Variants in ZNF180 observed in about 807,000 individuals in gnomAD.
ZNF180 encodes zinc finger protein 180 (HHZ168).
ZNF180 carries 11 observed loss-of-function variants against 11.8 expected under a neutral mutation model. The observed-to-expected ratio is 0.93, with a 90% confidence interval of 0.59 to 1.55. The LOEUF is 1.55. ZNF180 is among the 40% of genes most tolerant of loss of function. The pLI, the probability that ZNF180 is intolerant of heterozygous loss-of-function variation, is 0.00. For synonymous variants in ZNF180, 287 were observed against 257.7 expected (o/e 1.11, Z -1.09); for missense variants, 773 against 781.7 (o/e 0.99, Z 0.13).
At chr19:44,482,866 C>T (rs1383475501) in intron 3 of ZNF180, among the ~76,000 whole-genome samples, 1 of 152,200 alleles carries the variant, frequency 6.6e-6, no homozygotes, top group Non-Finnish European at 1.5e-5. Context: ...GAAATTAAGA[C>T]ATATGCCTAA....
At position 44,477,334 on chromosome 19, in the gene ZNF180, A is replaced by G; in HGVS notation, c.1066T>C (p.Cys356Arg). The change falls in exon 5 of 5, where the codon TGT (cysteine) becomes CGT (arginine). Residue 356 changes from cysteine (C) to arginine (R), a missense_variant. Transcript: ENST00000592529. ...CTGAAGGATTTTCCACATTCACTAC[A>G]TTCATAAGGTTTCTCCCCTGTGTGA... ...RTHTGEKPYE[C>R]SECGKSFSRS... The G allele has an allele frequency of 6.2e-7, 1 of 1,612,246 alleles. No individual in the cohort carries two copies. The highest frequency in any genetic ancestry group is 8.5e-7 in the Non-Finnish European group (1 of 1,178,722).
chr19:44,480,118 T>G (rs1030985697), intron 3 of ZNF180, among the ~76,000 whole-genome samples: 3 of 152,234 alleles, frequency 2.0e-5, no homozygotes, highest in Non-Finnish European at 4.4e-5. Context: ...TCCTTTTTTT[T>G]TCTTTTGAGA....
intron 3 of ZNF180, among the ~76,000 whole-genome samples, chr19:44,480,770 A>G (rs1193956795): frequency 6.6e-6 from 1 of 152,194 alleles, no homozygotes; most frequent in East Asian, 1.9e-4. Flanking sequence ...TGTTTTGACT[A>G]TGAGTGGTCG....
At chr19:44,481,470 C>G (rs576201008) in intron 3 of ZNF180, among the ~76,000 whole-genome samples, 1 of 152,040 alleles carries the variant, frequency 6.6e-6, no homozygotes, top group Non-Finnish European at 1.5e-5. Context: ...ATAAACACTC[C>G]CCCTTTCTGT....
At chr19:44,490,481 G>C (rs1410686029) in intron 2 of ZNF180, among the ~76,000 whole-genome samples, 1 of 152,112 alleles carries the variant, frequency 6.6e-6, no homozygotes, top group Non-Finnish European at 1.5e-5. Flanking sequence ...ATCTTATCTG[G>C]CCTGAAAGAA....
chr19:44,477,866 T>C lies in ZNF180; in HGVS notation c.534A>G (p.Leu178=), dbSNP rs753286674. ...TTATGGGTATAACTGGGGATGAAAA[T>C]AGACTGGAATTCAGACCACTCTTCT... ...TGEKSGLNSS[L]FSSPVIPIRN... is the part of the protein sequence containing the mutation. Residue 178 remains leucine (L), a synonymous_variant, in exon 5 of 5, where the codon CTA becomes CTG. Coordinates refer to ENST00000592529, the MANE Select transcript of ZNF180 (RefSeq NM_001278509.3). The C allele has an allele frequency of 1.2e-6, 2 of 1,613,916 alleles. No homozygotes were observed. Among genetic ancestry groups the C allele is most frequent in the South Asian group, 2.2e-5 (2 of 91,070 alleles).
intron 2 of ZNF180, among the ~76,000 whole-genome samples, chr19:44,492,519 G>A (rs1970475020): frequency 6.6e-6 from 1 of 152,084 alleles, no homozygotes; most frequent in Non-Finnish European, 1.5e-5. Flanking sequence ...GATAATAATT[G>A]TTCCTTCTGT....
At chr19:44,489,501 G>T (rs375924829) in intron 2 of ZNF180, among the ~76,000 whole-genome samples, 1 of 97,628 alleles carries the variant, frequency 1.0e-5, no homozygotes, top group Non-Finnish European at 2.3e-5. Flanking sequence ...GATTAAGGGC[G>T]GTGCAAGATG....
intron 4 of ZNF180, 97 bp from the exon 5 acceptor site, chr19:44,478,243 T>C: frequency 7.7e-7 from 1 of 1,306,862 alleles, no homozygotes; most frequent in East Asian, 2.6e-5. Context: ...ATATATGAAT[T>C]TGTTTTCAAA....
intron 2 of ZNF180, among the ~76,000 whole-genome samples, chr19:44,489,967 AAAAGAAAGAAAG>A (rs140750985): frequency 6.9e-6 from 1 of 144,424 alleles, no homozygotes; most frequent in African/African-American, 2.6e-5. Context: ...AGAAAGAAAG[AAAAGAAAGAAAG>A]AAAGAAAGAA....
chr19:44,497,128 G>A (rs1480990335), intron 2 of ZNF180, among the ~76,000 whole-genome samples, 156 bp downstream of exon 2: 1 of 152,204 alleles, frequency 6.6e-6, no homozygotes, highest in Non-Finnish European at 1.5e-5. Context: ...AACTAGCAGG[G>A]AGATTCATAA....
intron 2 of ZNF180, among the ~76,000 whole-genome samples, chr19:44,494,180 T>C (rs4803716): frequency 0.31 from 46,503 of 152,072 alleles, 7,904 homozygotes; most frequent in African/African-American, 0.44. Context: ...GTGCTGTCTG[T>C]CTCATCTTTC....
chr19:44,492,237 T>C (rs1970466600), intron 2 of ZNF180, among the ~76,000 whole-genome samples: 1 of 152,222 alleles, frequency 6.6e-6, no homozygotes, highest in African/African-American at 2.4e-5. Flanking sequence ...TTTTTTATCT[T>C]TGTATTCTCC....
At chr19:44,484,128 G>A (rs563621844) in intron 3 of ZNF180, among the ~76,000 whole-genome samples, 10 of 152,040 alleles carry the variant, frequency 6.6e-5, no homozygotes, top group Non-Finnish European at 1.3e-4. Context: ...CCGAGTAGCT[G>A]AGACTACAGG....
At position 44,486,741 on chromosome 19, in the gene ZNF180, T is replaced by C. The variant is rs573065204; in HGVS notation, c.52-2306A>G. On this transcript the variant is annotated intron_variant, in intron 2 of 4. Transcript: ENST00000592529. Reference sequence around the variant, plus strand: ...CAACACAGTGAGGCTCCCCTGTCTATACAAAATATATAAAATAGGCCGGGC... The same window carrying C: ...CAACACAGTGAGGCTCCCCTGTCTACACAAAATATATAAAATAGGCCGGGC... Among the ~76,000 whole-genome samples, 6 of 152,050 alleles carry C rather than the reference T, an allele frequency of 3.9e-5. No individual in the cohort carries two copies. In the South Asian group the frequency reaches 1.0e-3, roughly 26 times the overall value.
chr19:44,481,324 A>G (rs1970074340), intron 3 of ZNF180, among the ~76,000 whole-genome samples: 1 of 152,218 alleles, frequency 6.6e-6, no homozygotes, highest in Admixed American at 6.5e-5. Context: ...TTGAGCCTAA[A>G]AATTTCACTG....
chr19:44,490,144 A>T (rs1970411152), intron 2 of ZNF180, among the ~76,000 whole-genome samples: 3 of 127,080 alleles, frequency 2.4e-5, no homozygotes, highest in African/African-American at 9.0e-5. Context: ...AGGGAAAGAA[A>T]GGGAAAAAGG....
At chr19:44,481,976 C>G (rs917215356) in intron 3 of ZNF180, among the ~76,000 whole-genome samples, 15 of 152,266 alleles carry the variant, frequency 9.9e-5, no homozygotes, top group African/African-American at 3.6e-4. Context: ...AACTCCTTCC[C>G]AAAATCTTCA....
rs973487377 is a variant in ZNF180 at position 44,475,043 on chromosome 19, C to G, written c.*1359G>C. Reference sequence around the variant, plus strand: ...TTTCCTATCCCAAGGGTATTAACCTCTATTATCTGGTCTCTCAGTTCAACT... The same window carrying G: ...TTTCCTATCCCAAGGGTATTAACCTGTATTATCTGGTCTCTCAGTTCAACT... On this transcript the variant is annotated 3_prime_UTR_variant, in exon 5 of 5. Coordinates refer to ENST00000592529, the MANE Select transcript of ZNF180 (RefSeq NM_001278509.3). The G allele has an allele frequency of 3.3e-5, 5 of 152,196 alleles. No homozygotes were observed. The highest frequency in any genetic ancestry group is 5.9e-5 in the Non-Finnish European group (4 of 68,044). The allele number at this position is 152,196 out of a possible 1,614,324, so 9.4% of individuals were successfully genotyped here. A position where few individuals can be genotyped will look rare whatever the true frequency, so the allele number is the denominator to read the frequency against.
Sources: allele counts gnomAD v4.1 joint callset (sites outside exome capture counted in the v4.1 genomes callset), GRCh38; gene constraint gnomAD v4.1.1; transcripts MANE v1.5; gene names NCBI Gene and HGNC (gene_info 2026-07-23, HGNC 2026-07-21).